ADK: variants seen among roughly 807,000 people sequenced by gnomAD.
ADK encodes adenosine kinase, also known as N6,N6-dimethyladenosine kinase.
A neutral mutation model predicts 44.7 loss-of-function variants in ADK; 24 were observed. The observed-to-expected ratio is 0.54, with a 90% CI of 0.39 to 0.76. The LOEUF (loss-of-function observed/expected upper bound fraction) is 0.76, where lower values mean the gene tolerates loss of function less well. ADK is among the 30% of genes least tolerant of loss of function. The probability of loss-of-function intolerance (pLI) is 0.00; values close to 1 mark genes in which losing one functional copy is unlikely to be tolerated. For missense variants in ADK, 321 were observed against 425.1 expected (o/e 0.76, Z 2.15); for synonymous variants, 128 against 142.6 (o/e 0.90, Z 0.73).
chr10:74,534,809 G>A (rs981131453), intron 7 of ADK, among the ~76,000 whole-genome samples: 2 of 152,178 alleles, frequency 1.3e-5, no homozygotes, highest in Admixed American at 6.5e-5. Context: ...CCAAGTGCAT[G>A]AGGGAAAACT....
At chr10:74,289,864 T>A (rs549913506) in intron 3 of ADK, among the ~76,000 whole-genome samples, 140 of 151,980 alleles carry the variant, frequency 9.2e-4, no homozygotes, top group Non-Finnish European at 1.5e-3. Context: ...AAATTCTCCT[T>A]TGTAGAAAAA....
intron 3 of ADK, among the ~76,000 whole-genome samples, chr10:74,306,237 C>A (rs1358280968): frequency 6.6e-6 from 1 of 151,874 alleles, no homozygotes; most frequent in African/African-American, 2.4e-5. Flanking sequence ...TACTATTAAG[C>A]CCATCTAGTT....
intron 10 of ADK, among the ~76,000 whole-genome samples, chr10:74,704,408 C>T (rs2131795568): frequency 6.6e-6 from 1 of 152,272 alleles, no homozygotes; most frequent in South Asian, 2.1e-4. Context: ...GGATTCCCTA[C>T]AATTATTTAA....
At chr10:74,243,094 C>T (rs548476297) in intron 3 of ADK, among the ~76,000 whole-genome samples, 4 of 152,360 alleles carry the variant, frequency 2.6e-5, no homozygotes, top group East Asian at 1.9e-4. Flanking sequence ...AGCCACCCCA[C>T]GCAATGTGGT....
At chr10:74,296,661 G>T (rs1839827284) in intron 3 of ADK, among the ~76,000 whole-genome samples, 1 of 150,722 alleles carries the variant, frequency 6.6e-6, no homozygotes, top group South Asian at 2.1e-4. Context: ...ACCCAGGCTG[G>T]AGTGCAGTGG....
At chr10:74,549,202 T>C (rs1296710133) in intron 7 of ADK, among the ~76,000 whole-genome samples, 2 of 152,204 alleles carry the variant, frequency 1.3e-5, no homozygotes, top group African/African-American at 4.8e-5. Context: ...TATATAATAC[T>C]TACATTCTGA....
At chr10:74,537,572 T>C (rs1283686344) in intron 7 of ADK, among the ~76,000 whole-genome samples, 1 of 152,224 alleles carries the variant, frequency 6.6e-6, no homozygotes, top group Non-Finnish European at 1.5e-5. Context: ...ATTCTTGTTT[T>C]TCATTTTTAT....
intron 4 of ADK, among the ~76,000 whole-genome samples, chr10:74,361,852 T>A (rs1479709023): frequency 1.3e-5 from 2 of 152,240 alleles, no homozygotes; most frequent in African/African-American, 4.8e-5. Context: ...GGTTGACAGT[T>A]TCTTCTCCAC....
At chr10:74,681,892 A>ATT (rs1352863035) in intron 10 of ADK, among the ~76,000 whole-genome samples, 1 of 150,080 alleles carries the variant, frequency 6.7e-6, no homozygotes, top group Non-Finnish European at 1.5e-5. Context: ...GCTGTCTGTT[A>ATT]TTTAGTCCTC....
At chr10:74,536,339 AAAAAATACCT>A (rs1849447449) in intron 7 of ADK, among the ~76,000 whole-genome samples, 1 of 152,072 alleles carries the variant, frequency 6.6e-6, no homozygotes, top group Admixed American at 6.5e-5. Context: ...ATTTCTCTCC[AAAAAATACCT>A]GAAAATATTT....
At chr10:74,586,158 A>C (rs1315693633) in intron 7 of ADK, among the ~76,000 whole-genome samples, 3 of 152,206 alleles carry the variant, frequency 2.0e-5, no homozygotes, top group Admixed American at 1.3e-4. Context: ...ACCTACAAAC[A>C]CCTTCAGATC....
chr10:74,531,901 G>A (rs978389930), intron 7 of ADK, among the ~76,000 whole-genome samples: 2 of 152,138 alleles, frequency 1.3e-5, no homozygotes, highest in South Asian at 2.1e-4. Flanking sequence ...CCAGAAAATT[G>A]AAGAGGGAGA....
At chr10:74,433,705 T>G (rs1380432072) in intron 6 of ADK, among the ~76,000 whole-genome samples, 1 of 152,220 alleles carries the variant, frequency 6.6e-6, no homozygotes, top group Non-Finnish European at 1.5e-5. Flanking sequence ...CAGTAACTAT[T>G]TACCAATGTT....
intron 4 of ADK, among the ~76,000 whole-genome samples, chr10:74,379,022 A>C (rs1165102463): frequency 6.6e-6 from 1 of 152,130 alleles, no homozygotes; most frequent in African/African-American, 2.4e-5. Flanking sequence ...ATAGTAGACA[A>C]TGGAGTTAGA....
At chr10:74,442,294 A>G (rs901140454) in intron 6 of ADK, among the ~76,000 whole-genome samples, 1 of 150,310 alleles carries the variant, frequency 6.7e-6, no homozygotes, top group African/African-American at 2.5e-5. Flanking sequence ...ACAATACGAA[A>G]GTTCCTTTAA....
chr10:74,281,283 T>G (rs1326670137), intron 3 of ADK, among the ~76,000 whole-genome samples: 1 of 152,270 alleles, frequency 6.6e-6, no homozygotes, highest in African/African-American at 2.4e-5. Context: ...CTTCTTATGC[T>G]CATGGGCTGA....
intron 9 of ADK, among the ~76,000 whole-genome samples, chr10:74,621,164 T>C (rs1852980232): frequency 6.6e-6 from 1 of 152,220 alleles, no homozygotes; most frequent in Non-Finnish European, 1.5e-5. Context: ...TCTTGAAGTG[T>C]TTCCCTTATG....
chr10:74,176,992 C>T, intron 1 of ADK: 2 of 1,477,466 alleles, frequency 1.4e-6, no homozygotes, highest in Non-Finnish European at 1.8e-6. Context: ...CTGCCTCCGC[C>T]TCTGGTCCCC....
chr10:74,410,162 A>T (rs1844119253), intron 6 of ADK, among the ~76,000 whole-genome samples: 1 of 152,132 alleles, frequency 6.6e-6, no homozygotes, highest in African/African-American at 2.4e-5. Flanking sequence ...GGATTTGGTT[A>T]TCTTTTGGCA....
Sources: allele counts gnomAD v4.1 joint callset (sites outside exome capture counted in the v4.1 genomes callset), GRCh38; gene constraint gnomAD v4.1.1; transcripts MANE v1.5; gene names NCBI Gene and HGNC (gene_info 2026-07-23, HGNC 2026-07-21).